RAP1GAP: variants seen among roughly 807,000 people sequenced by gnomAD.
RAP1GAP encodes rap1 GTPase-activating protein 1.
In RAP1GAP, 35 loss-of-function variants were observed where a neutral mutation model predicts 87.2. That is an observed-to-expected ratio of 0.40 (90% CI 0.31 to 0.53). RAP1GAP has a LOEUF of 0.53. RAP1GAP is among the 20% of genes least tolerant of loss of function. The pLI, the probability that RAP1GAP is intolerant of heterozygous loss-of-function variation, is 0.48. For synonymous variants in RAP1GAP, 375 were observed against 363.9 expected, an observed-to-expected ratio of 1.03 and a Z score of -0.35; for missense variants, 734 against 898.9, an observed-to-expected ratio of 0.82 and a Z score of 2.35.
chr1:21,625,107 T>C (rs895287941), intron 3 of RAP1GAP, among the ~76,000 whole-genome samples: 3 of 152,184 alleles, frequency 2.0e-5, no homozygotes, highest in African/African-American at 7.2e-5. Flanking sequence ...CTCAGGAATC[T>C]CCTGCTGCTG....
Position 21,631,253 on chromosome 1 carries a change from C to A in RAP1GAP, c.-112-4856G>T, listed in dbSNP as rs75173084. Among the ~76,000 whole-genome samples, 362 of 152,336 alleles carry A rather than the reference C, an allele frequency of 2.4e-3. 1 individual carries two copies. The highest frequency in any genetic ancestry group is 8.4e-3 in the African/African-American group (350 of 41,572). On this transcript the variant is annotated intron_variant, in intron 2 of 24. Transcript: ENST00000374765. ...CATTCCTCCTGGGCGGCAGCAGCTG[C>A]GGGGAGCCCAGAGCATGCCGGGACA...
In RAP1GAP at chr1:21,603,316, TC is replaced by T; in HGVS notation, c.1429-404del. The T allele has an allele frequency of 2.6e-6, 1 of 384,496 alleles. No individual in the cohort carries two copies. Among genetic ancestry groups the T allele is most frequent in the Non-Finnish European group, 4.7e-6 (1 of 212,670 alleles). 23.8% of individuals were successfully genotyped at this position (384,496 alleles called of 1,614,324 possible). Reference sequence around the variant, plus strand: ...CCCACCCCGTGCCAGCTAGGGCCCCTCCCCGGAACCTCCAAATTGGCTGGGG... The same window carrying T: ...CCCACCCCGTGCCAGCTAGGGCCCCTCCCGGAACCTCCAAATTGGCTGGGG... On this transcript the variant is annotated intron_variant, in intron 18 of 24. Transcript: ENST00000374765. This position sits in a 1 kb window ranked among gnomAD's most constrained non-coding sequence, Gnocchi z 6.0.
chr1:21,660,088 C>T (rs958002168), intron 1 of RAP1GAP, among the ~76,000 whole-genome samples: 5 of 151,712 alleles, frequency 3.3e-5, no homozygotes, highest in African/African-American at 7.3e-5. Flanking sequence ...GGATAGGATG[C>T]GGGCATGGAG....
chr1:21,602,426 A>AC (rs916813709), intron 19 of RAP1GAP, among the ~76,000 whole-genome samples: 17 of 151,798 alleles, frequency 1.1e-4, no homozygotes, highest in African/African-American at 3.6e-4. Flanking sequence ...ACACTCATGG[A>AC]CCCCCCAGGC....
chr1:21,612,258 G>A (rs1008713307), intron 10 of RAP1GAP, 149 bp from the exon 11 acceptor site: 1 of 683,214 alleles, frequency 1.5e-6, no homozygotes, highest in African/African-American at 1.8e-5. Flanking sequence ...CAGTCCAGCT[G>A]TCCCCTCTGA....
At chr1:21,597,599 T>G in intron 24 of RAP1GAP, 87 bp downstream of exon 24, 3 of 1,315,050 alleles carry the variant, frequency 2.3e-6, no homozygotes, top group East Asian at 2.5e-5. Context: ...CCCAGAGAGG[T>G]GACAGAAGAA....
intron 3 of RAP1GAP, among the ~76,000 whole-genome samples, chr1:21,620,720 C>G (rs561230979): frequency 1.3e-5 from 2 of 152,158 alleles, no homozygotes; most frequent in Admixed American, 6.5e-5. Context: ...CCGGCTGGCC[C>G]GGCTCGGGGC....
In RAP1GAP at chr1:21,638,664, C is replaced by T. The variant is rs151315521; in HGVS notation, c.-113+11097G>A. Reference sequence around the variant, plus strand: ...CAGGACCACTAGGAACTTCTGCTTTCTGTGGCAAATACTTTTCTGCACGGT... The same window carrying T: ...CAGGACCACTAGGAACTTCTGCTTTTTGTGGCAAATACTTTTCTGCACGGT... On this transcript the variant is annotated intron_variant, in intron 2 of 24. Transcript: ENST00000374765. 9.1e-4 allele frequency among the ~76,000 whole-genome samples: 138 copies of T among 152,292 alleles called. 2 individuals are homozygous for T. The East Asian group carries it at 0.026, about 29-fold the overall frequency.
At chr1:21,600,828 T>C (rs1487827558) in intron 20 of RAP1GAP, among the ~76,000 whole-genome samples, 2 of 137,582 alleles carry the variant, frequency 1.5e-5, no homozygotes, top group African/African-American at 5.6e-5. Flanking sequence ...GAGCTTGCAG[T>C]GAGCCGAGAT....
chr1:21,656,445 A>C (rs1304593501), intron 1 of RAP1GAP, among the ~76,000 whole-genome samples: 14 of 151,352 alleles, frequency 9.2e-5, no homozygotes, highest in African/African-American at 1.5e-4. Context: ...AAAAAAAAAA[A>C]AAAAAAAAAG....
At chr1:21,624,203 C>G (rs2090691458) in intron 3 of RAP1GAP, among the ~76,000 whole-genome samples, 1 of 152,122 alleles carries the variant, frequency 6.6e-6, no homozygotes, top group Non-Finnish European at 1.5e-5. Flanking sequence ...AAGGAGGGTC[C>G]TGGGTAGCTC....
intron 2 of RAP1GAP, among the ~76,000 whole-genome samples, chr1:21,648,386 C>G (rs2096269491): frequency 6.6e-6 from 1 of 152,206 alleles, no homozygotes; most frequent in African/African-American, 2.4e-5. Flanking sequence ...GGCCCTGGGA[C>G]AGAGTAGGCG....
chr1:21,617,569 T>C, intron 6 of RAP1GAP, 78 bp from the exon 7 acceptor site: 2 of 1,459,066 alleles, frequency 1.4e-6, no homozygotes, highest in Non-Finnish European at 1.9e-6. Context: ...AACTCAGACC[T>C]GGAGCCGCTT....
At position 21,597,781 on chromosome 1, in the gene RAP1GAP, G is replaced by A. The variant is rs1382889216; in HGVS notation, c.1984-53C>T. 4 of 1,601,910 alleles carry A rather than the reference G, an allele frequency of 2.5e-6. No individual in the cohort carries two copies. In the African/African-American group the frequency reaches 5.4e-5, roughly 21 times the overall value. On this transcript the variant is annotated intron_variant, in intron 23 of 24. Transcript: ENST00000374765. ...GGTGGCAAGACGGGAGAAGCAACGG[G>A]GCGGGAGACACAGGTGCACAAAGTC...
chr1:21,652,186 C>T (rs2152047038), intron 1 of RAP1GAP, among the ~76,000 whole-genome samples: 1 of 151,106 alleles, frequency 6.6e-6, no homozygotes, highest in East Asian at 2.0e-4. Context: ...CCTCGAGCCG[C>T]CGCGCTCCTC....
At chr1:21,599,865 C>A (rs1240201410) in intron 20 of RAP1GAP, among the ~76,000 whole-genome samples, 1 of 152,222 alleles carries the variant, frequency 6.6e-6, no homozygotes, top group Non-Finnish European at 1.5e-5. Context: ...CTCTCCTGGC[C>A]TCCCATTTCC....
At chr1:21,599,410 G>C in intron 21 of RAP1GAP, 84 bp downstream of exon 21, 2 of 1,517,776 alleles carry the variant, frequency 1.3e-6, no homozygotes, top group Non-Finnish European at 1.8e-6. Flanking sequence ...GCCCAGGCTC[G>C]TGGTTCTACT....
chr1:21,599,163 G>C (rs916284218), intron 21 of RAP1GAP, among the ~76,000 whole-genome samples: 33 of 152,234 alleles, frequency 2.2e-4, no homozygotes, highest in Non-Finnish European at 4.6e-4. Flanking sequence ...GATGGCACAT[G>C]CGCAAAGGGC....
intron 1 of RAP1GAP, among the ~76,000 whole-genome samples, chr1:21,659,667 C>T (rs768452957): frequency 6.6e-6 from 1 of 152,248 alleles, no homozygotes; most frequent in Non-Finnish European, 1.5e-5. Flanking sequence ...AGTTACATGT[C>T]TGCCATGGCT....
Sources: allele counts gnomAD v4.1 joint callset (sites outside exome capture counted in the v4.1 genomes callset), GRCh38; gene constraint gnomAD v4.1.1; non-coding constraint Gnocchi (gnomAD v3.1); transcripts MANE v1.5; gene names NCBI Gene and HGNC (gene_info 2026-07-23, HGNC 2026-07-21).